Variants in ANO2 observed in about 807,000 individuals in gnomAD.
The protein encoded by ANO2 is anoctamin 2.
A neutral mutation model predicts 124.2 loss-of-function variants in ANO2; 101 were observed. That is an observed-to-expected ratio of 0.81 (90% CI 0.69 to 0.96). The LOEUF is 0.96. Among genes scored for constraint, ANO2 ranks in the 40% least tolerant of loss-of-function variants. The pLI is 0.00. For synonymous variants in ANO2, 486 were observed against 482.5 expected, an observed-to-expected ratio of 1.01 and a Z score of -0.09; for missense variants, 1,293 against 1,274.5, an observed-to-expected ratio of 1.01 and a Z score of -0.22.
chr12:5,902,896 G>A (rs1228757605), intron 3 of ANO2, among the ~76,000 whole-genome samples: 1 of 100,356 alleles, frequency 1.0e-5, no homozygotes, highest in Non-Finnish European at 2.0e-5. Flanking sequence ...GGGAGGGGAG[G>A]GGAGGGGAGT....
chr12:5,713,832 G>A (rs945235125), intron 14 of ANO2, among the ~76,000 whole-genome samples: 1 of 152,174 alleles, frequency 6.6e-6, no homozygotes, highest in African/African-American at 2.4e-5. Flanking sequence ...AAAGGACTGA[G>A]GGGAACGAGT....
intron 17 of ANO2, among the ~76,000 whole-genome samples, chr12:5,613,292 C>T (rs941894332): frequency 7.2e-5 from 11 of 152,136 alleles, no homozygotes; most frequent in African/African-American, 2.2e-4. Flanking sequence ...ACTGTCGTCA[C>T]ACCTTCTTCC....
intron 3 of ANO2, among the ~76,000 whole-genome samples, chr12:5,892,041 GA>G (rs1275042778): frequency 6.6e-6 from 1 of 151,176 alleles, no homozygotes; most frequent in Non-Finnish European, 1.5e-5. Flanking sequence ...AAACACTCTT[GA>G]AATGAATAGA....
At chr12:5,697,286 G>A (rs1949220625) in intron 14 of ANO2, among the ~76,000 whole-genome samples, 1 of 151,966 alleles carries the variant, frequency 6.6e-6, no homozygotes, top group African/African-American at 2.4e-5. Flanking sequence ...CGAAAAATTA[G>A]CCGGGCGTGG....
chr12:5,752,280 T>C (rs549899252), intron 10 of ANO2, among the ~76,000 whole-genome samples: 4 of 152,342 alleles, frequency 2.6e-5, no homozygotes, highest in African/African-American at 9.6e-5. Context: ...TTTTAATTTT[T>C]TGAGGAACCT....
Position 5,938,558 on chromosome 12 carries a change from C to T in ANO2, c.22+6638G>A, listed in dbSNP as rs184237746. Among the ~76,000 whole-genome samples, 339 of 152,012 alleles carry T rather than the reference C, an allele frequency of 2.2e-3. 2 individuals are homozygous for T. Among genetic ancestry groups the T allele is most frequent in the Non-Finnish European group, 3.5e-3 (241 of 67,960 alleles). On this transcript the variant is annotated intron_variant, in intron 1 of 24. Coordinates refer to ENST00000682330, the MANE Select transcript of ANO2 (RefSeq NM_001364791.2). ...GCTAAGGGCCAGGCATGGTGGCTCA[C>T]GCCTATAATCCCAGCACTTTGGGAG...
intron 20 of ANO2, among the ~76,000 whole-genome samples, chr12:5,583,157 A>G (rs1198656907): frequency 1.3e-5 from 2 of 152,152 alleles, no homozygotes; most frequent in African/African-American, 4.8e-5. Context: ...ACACACACAC[A>G]CATACAAGGT....
In ANO2 at chr12:5,827,789, G is replaced by T. The variant is rs769532831; in HGVS notation, c.872C>A (p.Ser291Tyr). The change falls in exon 7 of 25, where the codon TCC (serine) becomes TAC (tyrosine). Residue 291 changes from serine (S) to tyrosine (Y), a missense_variant. Ser to Tyr is a moderately radical substitution (Grantham distance 144). Transcript: ENST00000682330. ...CTTACCCATCGTGTTGTTGGCTCGG[G>T]AGCAGGCTGTGCGCTTCAGGATCTC... is the stretch of plus-strand genomic sequence containing the variant. The part of the protein sequence containing the change: ...VHEILKRTAC[S>Y]RANNTMGINS... 1.2e-6 allele frequency: 2 copies of T among 1,611,672 alleles called. No homozygotes were observed. The highest frequency in any genetic ancestry group is 2.7e-5 in the African/African-American group (2 of 74,896).
chr12:5,783,266 G>A (rs1191475565), intron 10 of ANO2, among the ~76,000 whole-genome samples: 2 of 152,144 alleles, frequency 1.3e-5, no homozygotes, highest in African/African-American at 4.8e-5. Flanking sequence ...GTTTCATCTT[G>A]TCAAGCACAC....
At chr12:5,608,898 C>G (rs1944344637) in intron 19 of ANO2, 1 of 152,166 alleles carries the variant, frequency 6.6e-6, no homozygotes, top group Non-Finnish European at 1.5e-5. Flanking sequence ...AGCTGTAGAT[C>G]AGATGACCAG....
chr12:5,785,267 A>G (rs562780720), intron 10 of ANO2, among the ~76,000 whole-genome samples: 141 of 152,280 alleles, frequency 9.3e-4, no homozygotes, highest in African/African-American at 2.9e-3. Flanking sequence ...AGGGAGAAGG[A>G]AAAAGTTCAA....
At chr12:5,851,072 C>T (rs547127306) in intron 4 of ANO2, among the ~76,000 whole-genome samples, 77 of 152,150 alleles carry the variant, frequency 5.1e-4, no homozygotes, top group Middle Eastern at 3.4e-3. Context: ...TCTGAGGACT[C>T]GACTAGTGCT....
chr12:5,860,756 T>C (rs1015621964), intron 3 of ANO2, among the ~76,000 whole-genome samples: 2 of 152,144 alleles, frequency 1.3e-5, no homozygotes, highest in Non-Finnish European at 2.9e-5. Context: ...TAGCCCCAGA[T>C]GCTCACCACA....
chr12:5,931,798 C>T (rs1942404041), intron 1 of ANO2, among the ~76,000 whole-genome samples: 5 of 122,882 alleles, frequency 4.1e-5, no homozygotes, highest in Admixed American at 7.8e-5. Context: ...AGAAGGCAGA[C>T]GAGTGAGGAA....
At chr12:5,945,405 C>A (rs570474341), upstream of ANO2, 2 of 490,994 alleles carry the variant, frequency 4.1e-6, no homozygotes, top group African/African-American at 2.1e-5. Flanking sequence ...CTCCCCGCTG[C>A]GCCCTGGGCG....
At chr12:5,804,082 C>CT (rs543576054) in intron 9 of ANO2, among the ~76,000 whole-genome samples, 181 of 152,314 alleles carry the variant, frequency 1.2e-3, no homozygotes, top group Middle Eastern at 3.4e-3. Flanking sequence ...TCCTTCAGCT[C>CT]CAAATGCAGG....
rs533100420 is a variant in ANO2, at chr12:5,640,435, A to G, written c.1621-5088T>C. 1.3e-4 allele frequency among the ~76,000 whole-genome samples: 20 copies of G among 152,336 alleles called. No individual in the cohort carries two copies. The East Asian group carries it at 2.7e-3, about 21-fold the overall frequency. On this transcript the variant is annotated intron_variant, in intron 15 of 24. Coordinates refer to ENST00000682330, the MANE Select transcript of ANO2 (RefSeq NM_001364791.2). ...TTTTCTTTAGAAAACATCAGAGTGA[A>G]CAGGCAACCTACAGAATGGGAGGAA... is the stretch of plus-strand genomic sequence containing the variant.
intron 8 of ANO2, among the ~76,000 whole-genome samples, chr12:5,806,724 T>C (rs369044676): frequency 6.6e-6 from 1 of 152,256 alleles, no homozygotes; most frequent in South Asian, 2.1e-4. Flanking sequence ...GAGATTTCAT[T>C]ACAGTCATTC....
intron 23 of ANO2, among the ~76,000 whole-genome samples, chr12:5,574,271 C>A (rs1942284148): frequency 6.6e-6 from 1 of 152,038 alleles, no homozygotes; most frequent in Non-Finnish European, 1.5e-5. Flanking sequence ...TTCATTTGCC[C>A]TTCTTGGGTA....
Sources: gnomAD v4.1 joint callset for allele counts (sites outside exome capture counted in the v4.1 genomes callset) on GRCh38, gnomAD v4.1.1 for gene constraint, MANE v1.5 for transcripts, NCBI Gene and HGNC (gene_info 2026-07-23, HGNC 2026-07-21) for gene names.